Variants in ASPSCR1 observed in about 807,000 individuals in gnomAD.
ASPSCR1 encodes tether containing UBX domain for GLUT4.
A neutral mutation model predicts 68.9 loss-of-function variants in ASPSCR1; 55 were observed. The ratio of observed to expected loss-of-function variants is 0.80; its 90% confidence interval spans 0.64 to 1.00. ASPSCR1 has a LOEUF of 1.00. ASPSCR1 is among the 50% of genes least tolerant of loss of function. ASPSCR1 has a pLI of 0.00. For synonymous variants in ASPSCR1, 352 were observed against 332.6 expected, an observed-to-expected ratio of 1.06 and a Z score of -0.63; for missense variants, 765 against 762.2, an observed-to-expected ratio of 1.00 and a Z score of -0.04.
intron 3 of ASPSCR1, among the ~76,000 whole-genome samples, chr17:81,985,108 A>G (rs2041947843): frequency 6.9e-6 from 1 of 145,090 alleles, no homozygotes; most frequent in Non-Finnish European, 1.5e-5. Flanking sequence ...ACATACCCGC[A>G]CACACCTGCA....
intron 4 of ASPSCR1, among the ~76,000 whole-genome samples, chr17:81,994,539 C>T (rs1235275306): frequency 6.6e-6 from 1 of 152,176 alleles, no homozygotes; most frequent in East Asian, 1.9e-4. Flanking sequence ...CCACGTCCTG[C>T]CAGCGGCCCC....
chr17:82,001,621 G>A (rs1233646581), intron 7 of ASPSCR1, among the ~76,000 whole-genome samples: 1 of 152,182 alleles, frequency 6.6e-6, no homozygotes, highest in Non-Finnish European at 1.5e-5. Flanking sequence ...TGGGGCTGTG[G>A]GGAGAACTGG....
chr17:82,009,844 G>T (rs2042859247), intron 9 of ASPSCR1: 1 of 292,250 alleles, frequency 3.4e-6, no homozygotes, highest in Non-Finnish European at 6.6e-6. Flanking sequence ...TCTGAGCAGG[G>T]CCCCCCCGTG....
intron 6 of ASPSCR1, 57 bp from the exon 7 acceptor site, chr17:81,996,363 G>C (rs983530222): frequency 6.5e-7 from 1 of 1,527,782 alleles, no homozygotes; most frequent in Non-Finnish European, 8.8e-7. Context: ...GGCCGGGAGA[G>C]GGTGAGCCGG....
Position 82,009,129 on chromosome 17 carries a change from T to C in ASPSCR1, c.1026T>C (p.Asp342=), listed in dbSNP as rs1427687363. The C allele has an allele frequency of 3.2e-5, 52 of 1,607,242 alleles. No individual in the cohort carries two copies. Among genetic ancestry groups the C allele is most frequent in the Non-Finnish European group, 4.3e-5 (51 of 1,177,344 alleles). The part of the protein sequence containing the change: ...RLQAWPAELP[D]EFFELTVDDV... Reference sequence around the variant, plus strand: ...AGGCCTGGCCAGCGGAGCTGCCTGATGAGTTCTTTGAGCTGACGGTGGACG... The same window carrying C: ...AGGCCTGGCCAGCGGAGCTGCCTGACGAGTTCTTTGAGCTGACGGTGGACG... Residue 342 remains aspartate, a synonymous_variant, in exon 8 of 16, where the codon GAT becomes GAC. Transcript: ENST00000306739.
At chr17:81,979,846 C>T (rs886437086) in intron 2 of ASPSCR1, among the ~76,000 whole-genome samples, 7 of 152,196 alleles carry the variant, frequency 4.6e-5, no homozygotes, top group Admixed American at 6.5e-5. Context: ...GATATTGTTC[C>T]CAAGAGAGGG....
intron 13 of ASPSCR1, 57 bp downstream of exon 13, chr17:82,016,584 C>G (rs372804527): frequency 6.5e-6 from 10 of 1,546,190 alleles, no homozygotes; most frequent in African/African-American, 4.1e-5. Flanking sequence ...CCCTGGACCT[C>G]AGAGCCAGCT....
intron 7 of ASPSCR1, among the ~76,000 whole-genome samples, chr17:82,002,088 G>T (rs2042555219): frequency 7.4e-6 from 1 of 135,466 alleles, no homozygotes; most frequent in African/African-American, 2.8e-5. Context: ...GCTCACAGCA[G>T]TCATGACCTT....
intron 7 of ASPSCR1, chr17:82,005,904 GT>G (rs1305253206): frequency 6.6e-6 from 1 of 152,352 alleles, no homozygotes; most frequent in Non-Finnish European, 1.5e-5. Flanking sequence ...CAGTGTGGGT[GT>G]GTGAGAGCCA....
At chr17:82,010,765 C>T (rs541445999) in intron 9 of ASPSCR1, 37 bp from the exon 10 acceptor site, 58 of 1,599,728 alleles carry the variant, frequency 3.6e-5, no homozygotes, top group East Asian at 2.5e-4. Context: ...GGTGCAGCTC[C>T]GGCCGTCCCT....
At chr17:82,012,318 G>A (rs759111644) in intron 12 of ASPSCR1, 35 bp downstream of exon 12, 17 of 1,599,724 alleles carry the variant, frequency 1.1e-5, no homozygotes, top group Middle Eastern at 1.7e-4. Context: ...CTGCGGGGCG[G>A]GGCCCTCCAG....
intron 12 of ASPSCR1, chr17:82,014,998 G>C: frequency 6.9e-7 from 1 of 1,451,732 alleles, no homozygotes; most frequent in South Asian, 1.3e-5. Flanking sequence ...AGGCCCCTCA[G>C]CCTGTGCCTC....
chr17:82,009,754 G>A (rs1289382555), intron 9 of ASPSCR1, among the ~76,000 whole-genome samples, 187 bp downstream of exon 9: 1 of 150,172 alleles, frequency 6.7e-6, no homozygotes, highest in Non-Finnish European at 1.5e-5. Context: ...TGGATGGGAC[G>A]TGGGGGCGAC....
In ASPSCR1 at chr17:82,011,533, T is replaced by C; in HGVS notation, c.1238-10T>C. 1.3e-6 allele frequency: 2 copies of C among 1,576,290 alleles called. No individual in the cohort carries two copies. Among genetic ancestry groups the C allele is most frequent in the Non-Finnish European group, 1.7e-6 (2 of 1,167,312 alleles). ...AAGAGCTGTCTGTATGTTCTTTTTC[T>C]CCTCTGCAGTGGGGGACTTGCGAGA... On this transcript the variant is annotated splice_polypyrimidine_tract_variant and intron_variant, in intron 10 of 15. Coordinates refer to ENST00000306739, the MANE Select transcript of ASPSCR1 (RefSeq NM_024083.4).
chr17:82,001,995 T>TC, intron 7 of ASPSCR1, among the ~76,000 whole-genome samples: 1 of 148,658 alleles, frequency 6.7e-6, no homozygotes, highest in East Asian at 2.0e-4. Context: ...CTTTTTTTTT[T>TC]CTTTTTCCTT....
chr17:82,009,129 T>A lies in ASPSCR1; in HGVS notation c.1026T>A (p.Asp342Glu). ...AGGCCTGGCCAGCGGAGCTGCCTGATGAGTTCTTTGAGCTGACGGTGGACG... is the reference window on the plus strand; with the variant it reads ...AGGCCTGGCCAGCGGAGCTGCCTGAAGAGTTCTTTGAGCTGACGGTGGACG... ...RLQAWPAELPDEFFELTVDDV... is the reference protein window; with the variant it reads ...RLQAWPAELPEEFFELTVDDV... The change falls in exon 8 of 16, where the codon GAT becomes GAA. Residue 342 changes from aspartate (D) to glutamate (E), a missense_variant. Asp to Glu is a conservative substitution (Grantham distance 45). Transcript: ENST00000306739. 6.2e-7 allele frequency: 1 copy of A among 1,607,360 alleles called. No individual in the cohort carries two copies. The highest frequency in any genetic ancestry group is 8.5e-7 in the Non-Finnish European group (1 of 1,177,336).
In ASPSCR1 at chr17:82,009,285, C is replaced by T. The variant is rs1388564419; in HGVS notation, c.1088+94C>T. The stretch of plus-strand genomic sequence containing the variant: ...CCGCTGTCCCCAGTGCCAGCACTGG[C>T]TCCCGGCCCAGGTCCCTGACAGGCT... On this transcript the variant is annotated intron_variant, in intron 8 of 15. Transcript: ENST00000306739. The T allele has an allele frequency of 2.1e-6, 3 of 1,458,696 alleles. No homozygotes were observed. In the East Asian group the frequency reaches 7.5e-5, roughly 36 times the overall value. The allele number at this position is 1,458,696 out of a possible 1,614,324, so 90.4% of individuals were successfully genotyped here.
chr17:82,004,387 T>G (rs1323702253), intron 7 of ASPSCR1: 1 of 152,274 alleles, frequency 6.6e-6, no homozygotes, highest in Non-Finnish European at 1.5e-5. Context: ...TGTGGTCCGG[T>G]CCTTGGCGGC....
At position 82,016,879 on chromosome 17, in the gene ASPSCR1, G is replaced by A. The variant is rs200964753; in HGVS notation, c.1475+10G>A. ...ATGTGCTGGTGGCCAGGTAAGTGCC[G>A]GTGGGTCTGGGGGCACCTCCCGTGG... On this transcript the variant is annotated intron_variant, in intron 14 of 15. Coordinates refer to ENST00000306739, the MANE Select transcript of ASPSCR1 (RefSeq NM_024083.4). The A allele has an allele frequency of 5.8e-5, 93 of 1,612,422 alleles. No homozygotes were observed. Among genetic ancestry groups the A allele is most frequent in the Non-Finnish European group, 6.9e-5 (81 of 1,179,934 alleles).
Sources: gnomAD v4.1 joint callset for allele counts (sites outside exome capture counted in the v4.1 genomes callset) on GRCh38, gnomAD v4.1.1 for gene constraint, MANE v1.5 for transcripts, NCBI Gene and HGNC (gene_info 2026-07-23, HGNC 2026-07-21) for gene names.